The following COX7A2 variants were observed in gnomAD, a reference collection of about 807,000 sequenced individuals.
The protein encoded by COX7A2 is cytochrome c oxidase subunit 7A2, mitochondrial.
A neutral mutation model predicts 11.6 loss-of-function variants in COX7A2; 11 were observed. The observed-to-expected ratio is 0.95, with a 90% CI of 0.60 to 1.57. The LOEUF (loss-of-function observed/expected upper bound fraction) is 1.57, where lower values mean the gene tolerates loss of function less well. Among genes scored for constraint, COX7A2 ranks in the 40% most tolerant of loss-of-function variants. COX7A2 has a pLI of 0.00. For missense variants in COX7A2, 106 were observed against 100.9 expected, an observed-to-expected ratio of 1.05 and a Z score of -0.22; for synonymous variants, 30 against 38.2, an observed-to-expected ratio of 0.78 and a Z score of 0.79.
chr6:75,240,875 T>G (rs1198338507), intron 2 of COX7A2: 1 of 221,290 alleles, frequency 4.5e-6, no homozygotes, highest in Middle Eastern at 1.6e-3. Context: ...GTATTGTATT[T>G]TTAGGTATAT....
upstream of COX7A2, among the ~76,000 whole-genome samples, chr6:75,245,473 AGAGT>A (rs1404804663): frequency 7.0e-6 from 1 of 142,210 alleles, no homozygotes; most frequent in Non-Finnish European, 1.5e-5. Flanking sequence ...CCTGGGCGAC[AGAGT>A]GAGACTTCAT....
At chr6:75,243,858 A>T (rs769803559), upstream of COX7A2, 121 of 1,603,792 alleles carry the variant, frequency 7.5e-5, no homozygotes, top group Non-Finnish European at 1.0e-4. Flanking sequence ...TCCGGGCCGA[A>T]GAGAGGCTTG....
chr6:75,242,815 T>C (rs562761776), intron 1 of COX7A2, among the ~76,000 whole-genome samples: 1 of 148,284 alleles, frequency 6.7e-6, no homozygotes, highest in Admixed American at 6.7e-5. Context: ...TGAGACTACG[T>C]CTCAAAAAAA....
chr6:75,249,790 A>G (rs535235555), intron 1 of COX7A2, among the ~76,000 whole-genome samples: 1 of 152,374 alleles, frequency 6.6e-6, no homozygotes, highest in East Asian at 1.9e-4. Context: ...AGGTTCAAGT[A>G]GCAAACTGTT....
At chr6:75,247,617 G>C (rs1210766534), upstream of COX7A2, among the ~76,000 whole-genome samples, 1 of 151,786 alleles carries the variant, frequency 6.6e-6, no homozygotes, top group East Asian at 1.9e-4. Context: ...AACTCCTAAT[G>C]ATCTTTTTCT....
intron 1 of COX7A2, among the ~76,000 whole-genome samples, chr6:75,242,155 G>A (rs772497832): frequency 6.6e-6 from 1 of 151,584 alleles, no homozygotes; most frequent in Non-Finnish European, 1.5e-5. Flanking sequence ...AGCCAAGATC[G>A]CCCCATTGCA....
intron 1 of COX7A2, among the ~76,000 whole-genome samples, chr6:75,249,130 G>A (rs560343255): frequency 3.3e-5 from 5 of 152,116 alleles, no homozygotes; most frequent in Non-Finnish European, 5.9e-5. Context: ...CCAGCTACTC[G>A]GGAGGCTGAG....
upstream of COX7A2, among the ~76,000 whole-genome samples, chr6:75,244,453 G>T (rs1489220710): frequency 6.6e-6 from 1 of 152,178 alleles, no homozygotes; most frequent in Non-Finnish European, 1.5e-5. Context: ...GGCGAATCTG[G>T]ACTCAAAAGT....
upstream of COX7A2, among the ~76,000 whole-genome samples, chr6:75,248,574 C>T (rs986052248): frequency 6.6e-6 from 1 of 152,198 alleles, no homozygotes; most frequent in Non-Finnish European, 1.5e-5. Context: ...ATGTCTCATG[C>T]CTCCCAAAAA....
chr6:75,246,183 T>C (rs1423877700), upstream of COX7A2, among the ~76,000 whole-genome samples: 2 of 152,232 alleles, frequency 1.3e-5, no homozygotes, highest in East Asian at 3.8e-4. Context: ...TCGCCTGGCC[T>C]TTCCCATTAA....
intron 3 of COX7A2, among the ~76,000 whole-genome samples, chr6:75,238,470 G>A (rs1284986283): frequency 6.6e-6 from 1 of 151,968 alleles, no homozygotes; most frequent in African/African-American, 2.4e-5. Context: ...CACTTTGGGA[G>A]GCCGAGGCGG....
intron 1 of COX7A2, among the ~76,000 whole-genome samples, chr6:75,243,265 T>C (rs549724016): frequency 6.6e-6 from 1 of 152,322 alleles, no homozygotes; most frequent in African/African-American, 2.4e-5. Context: ...CAAAATTGAA[T>C]GGCTTGGTTT....
chr6:75,249,384 A>G (rs889761844), intron 1 of COX7A2, among the ~76,000 whole-genome samples: 3 of 152,232 alleles, frequency 2.0e-5, no homozygotes, highest in African/African-American at 7.2e-5. Context: ...AGAGGCCTAG[A>G]TGGAGTGAAA....
At chr6:75,241,468 A>C (rs898782299) in intron 1 of COX7A2, among the ~76,000 whole-genome samples, 4 of 152,232 alleles carry the variant, frequency 2.6e-5, no homozygotes, top group African/African-American at 9.7e-5. Context: ...GCAGTCTCCA[A>C]ATAACATATT....
At chr6:75,238,063 A>C in intron 3 of COX7A2, 75 bp from the exon 4 acceptor site, 1 of 1,053,806 alleles carries the variant, frequency 9.5e-7, no homozygotes, top group African/African-American at 1.6e-5. Flanking sequence ...ATTCCAGTTC[A>C]AAAGTTGTAA....
chr6:75,243,076 T>C (rs1771568246), intron 1 of COX7A2, among the ~76,000 whole-genome samples: 4 of 152,352 alleles, frequency 2.6e-5, no homozygotes, highest in Admixed American at 2.0e-4. Flanking sequence ...AGGATTTTAA[T>C]GAAGCAAAAC....
At chr6:75,247,796 T>C, upstream of COX7A2, among the ~76,000 whole-genome samples, 1 of 152,156 alleles carries the variant, frequency 6.6e-6, no homozygotes, top group Non-Finnish European at 1.5e-5. Flanking sequence ...CTGTATATTA[T>C]GACTTACTTT....
chr6:75,238,295 G>A (rs1771376850), intron 3 of COX7A2, among the ~76,000 whole-genome samples: 3 of 151,884 alleles, frequency 2.0e-5, no homozygotes, highest in Admixed American at 6.6e-5. Context: ...CCTGAGAAAT[G>A]CTAAGGATGA....
upstream of COX7A2, chr6:75,243,851 G>T (rs1771612355): frequency 6.2e-7 from 1 of 1,608,408 alleles, no homozygotes; most frequent in East Asian, 2.2e-5. Context: ...AAATCTTTCC[G>T]GGCCGAAGAG....
Sources: allele counts gnomAD v4.1 joint callset (sites outside exome capture counted in the v4.1 genomes callset), GRCh38; gene constraint gnomAD v4.1.1; transcripts MANE v1.5; gene names NCBI Gene and HGNC (gene_info 2026-07-23, HGNC 2026-07-21).